The following IFT43 variants were observed in gnomAD, a reference collection of about 807,000 sequenced individuals.
IFT43 encodes the protein intraflagellar transport protein 43 homolog.
Under a neutral mutation model 32.3 loss-of-function variants are expected in IFT43, and 33 were observed. The ratio of observed to expected loss-of-function variants is 1.02; its 90% CI spans 0.77 to 1.37. The LOEUF (loss-of-function observed/expected upper bound fraction) is 1.37. Ranked by LOEUF, IFT43 falls within the 40% of genes most tolerant of loss-of-function variation. The pLI is 0.00. For synonymous variants in IFT43, 93 were observed against 98.2 expected, an observed-to-expected ratio of 0.95 and a Z score of 0.31; for missense variants, 274 against 265.9, an observed-to-expected ratio of 1.03 and a Z score of -0.21.
Position 76,059,320 on chromosome 14 carries a change from G to A in IFT43, c.249-7G>A. ...TTTGCTGTCCTTTTCTTCTTTTTTG[G>A]GGGCAGTTTCCGCCTCAGACCACAG... is the stretch of plus-strand genomic sequence containing the variant. On this transcript the variant is annotated splice_polypyrimidine_tract_variant and splice_region_variant and intron_variant, in intron 4 of 8. Coordinates refer to ENST00000314067, the MANE Select transcript of IFT43 (RefSeq NM_001102564.3). The A allele has an allele frequency of 6.2e-7, 1 of 1,613,904 alleles. No homozygotes were observed. The highest frequency in any genetic ancestry group is 2.2e-5 in the East Asian group (1 of 44,888).
At chr14:76,059,492 G>T in intron 5 of IFT43, 119 bp downstream of exon 5, 2 of 933,854 alleles carry the variant, frequency 2.1e-6, no homozygotes, top group South Asian at 1.3e-5. Flanking sequence ...GTGGTCTTCT[G>T]ACGCATGCTG....
At chr14:76,035,374 G>A (rs1052787128) in intron 3 of IFT43, among the ~76,000 whole-genome samples, 3 of 152,082 alleles carry the variant, frequency 2.0e-5, no homozygotes, top group African/African-American at 2.4e-5. Flanking sequence ...CCATCTGCAC[G>A]CATCAAGGAC....
intron 3 of IFT43, among the ~76,000 whole-genome samples, chr14:76,034,138 T>G (rs1346452331): frequency 6.6e-6 from 1 of 152,204 alleles, no homozygotes; most frequent in East Asian, 1.9e-4. Context: ...GATACTTGTC[T>G]TAATTTGGCT....
chr14:76,067,258 A>G (rs549422957), intron 5 of IFT43, among the ~76,000 whole-genome samples: 1 of 152,304 alleles, frequency 6.6e-6, no homozygotes, highest in South Asian at 2.1e-4. Context: ...GGCTTTCTAG[A>G]AAAGAGAAGA....
At chr14:76,053,329 C>T (rs2036950464) in intron 3 of IFT43, among the ~76,000 whole-genome samples, 1 of 152,044 alleles carries the variant, frequency 6.6e-6, no homozygotes, top group Admixed American at 6.5e-5. Flanking sequence ...ACTGGGCTTT[C>T]TTTCCCCTGA....
At chr14:76,010,097 A>G (rs573311677) in intron 2 of IFT43, among the ~76,000 whole-genome samples, 123 of 152,280 alleles carry the variant, frequency 8.1e-4, no homozygotes, top group Non-Finnish European at 1.6e-3. Flanking sequence ...CCCGGCCTCT[A>G]GTGTTCTTCT....
chr14:76,056,715 C>T (rs1355360924), intron 3 of IFT43, among the ~76,000 whole-genome samples: 3 of 152,162 alleles, frequency 2.0e-5, no homozygotes, highest in African/African-American at 4.8e-5. Context: ...TTAGCTGTGT[C>T]ATTCGGACAA....
chr14:76,007,783 G>T (rs1487952762), intron 2 of IFT43, among the ~76,000 whole-genome samples: 1 of 152,152 alleles, frequency 6.6e-6, no homozygotes, highest in Non-Finnish European at 1.5e-5. Context: ...GGGAAATGGG[G>T]CATGTCTTTA....
chr14:76,083,511 C>G lies in IFT43; in HGVS notation c.561C>G (p.Val187=), dbSNP rs201315612. Residue 187 remains valine, a synonymous_variant, in exon 9 of 9, where the codon GTC becomes GTG. Coordinates refer to ENST00000314067, the MANE Select transcript of IFT43 (RefSeq NM_001102564.3). ...DHLFTEVSSE[V]LTEWDPLQTE... ...TGTTCACTGAGGTGTCCTCAGAGGT[C>G]CTCACTGAGTGGGACCCACTGCAGA... 6.2e-7 allele frequency: 1 copy of G among 1,614,122 alleles called. No homozygotes were observed. The highest frequency in any genetic ancestry group is 8.5e-7 in the Non-Finnish European group (1 of 1,180,006).
intron 3 of IFT43, chr14:76,058,276 A>G (rs2140050446): frequency 3.5e-6 from 1 of 287,042 alleles, no homozygotes; most frequent in Non-Finnish European, 6.7e-6. Context: ...AGCTAACAAC[A>G]CCAAATAAGA....
chr14:76,075,242 T>C (rs1169716954), intron 5 of IFT43, among the ~76,000 whole-genome samples: 1 of 152,162 alleles, frequency 6.6e-6, no homozygotes, highest in Admixed American at 6.5e-5. Context: ...ACTCTTTTTC[T>C]CCTACCTGCC....
chr14:76,035,890 C>T (rs1327083846), intron 3 of IFT43, among the ~76,000 whole-genome samples: 1 of 152,160 alleles, frequency 6.6e-6, no homozygotes, highest in African/African-American at 2.4e-5. Flanking sequence ...TCTGTCCACC[C>T]ATTTGTGTGT....
chr14:76,042,167 T>C (rs1198744074), intron 3 of IFT43, among the ~76,000 whole-genome samples: 1 of 151,964 alleles, frequency 6.6e-6, no homozygotes, highest in Admixed American at 6.6e-5. Flanking sequence ...TGCTGGCCAC[T>C]GTGCTAAACA....
At chr14:76,056,328 G>C (rs2037014702) in intron 3 of IFT43, among the ~76,000 whole-genome samples, 1 of 152,232 alleles carries the variant, frequency 6.6e-6, no homozygotes, top group Admixed American at 6.5e-5. Flanking sequence ...TCCTTCCTCT[G>C]TTGGGAGAAA....
chr14:76,051,148 A>G (rs1199835758), intron 3 of IFT43, among the ~76,000 whole-genome samples: 1 of 150,380 alleles, frequency 6.6e-6, no homozygotes, highest in Non-Finnish European at 1.5e-5. Context: ...CTAAAACCCC[A>G]GAGTGCCAAA....
At chr14:76,008,849 A>G (rs1458594115) in intron 2 of IFT43, among the ~76,000 whole-genome samples, 1 of 152,220 alleles carries the variant, frequency 6.6e-6, no homozygotes, top group Non-Finnish European at 1.5e-5. Flanking sequence ...TGATTTTGGC[A>G]TCACTTTTTA....
At chr14:76,011,782 C>G (rs2036090854) in intron 2 of IFT43, among the ~76,000 whole-genome samples, 1 of 152,166 alleles carries the variant, frequency 6.6e-6, no homozygotes, top group African/African-American at 2.4e-5. Flanking sequence ...TATGGAGAAA[C>G]TCAGTTCTCT....
At chr14:76,016,928 C>T (rs923659393) in intron 2 of IFT43, among the ~76,000 whole-genome samples, 2 of 152,026 alleles carry the variant, frequency 1.3e-5, no homozygotes, top group African/African-American at 4.8e-5. Flanking sequence ...TTCATTTATT[C>T]ATTCTAAGAA....
In IFT43 at chr14:76,070,875, G is replaced by A. The variant is rs375185948; in HGVS notation, c.296-11420G>A. 3.0e-4 allele frequency among the ~76,000 whole-genome samples: 45 copies of A among 152,200 alleles called. No homozygotes were observed. The South Asian group carries it at 8.3e-3, about 28-fold the overall frequency. ...TGAGGCCTCCCCAGAAGCAGAGGGC[G>A]CTGTGTTTCCTACACAGCCTGTAGA... On this transcript the variant is annotated intron_variant, in intron 5 of 8. Transcript: ENST00000314067.
Sources: allele counts gnomAD v4.1 joint callset (sites outside exome capture counted in the v4.1 genomes callset), GRCh38; gene constraint gnomAD v4.1.1; transcripts MANE v1.5; gene names NCBI Gene and HGNC (gene_info 2026-07-23, HGNC 2026-07-21).